Variants in VAPB observed in about 807,000 individuals in gnomAD.
VAPB encodes VAMP associated protein B and C.
Under a neutral mutation model 25.6 loss-of-function variants are expected in VAPB, and 7 were observed. The ratio of observed to expected loss-of-function variants is 0.27; its 90% CI spans 0.16 to 0.51. The LOEUF (loss-of-function observed/expected upper bound fraction) is 0.51, where lower values mean the gene tolerates loss of function less well. Ranked by LOEUF, VAPB falls within the 20% of genes least tolerant of loss-of-function variation. VAPB has a pLI of 0.97. For synonymous variants in VAPB, 112 were observed against 109.2 expected (o/e 1.03, Z -0.16); for missense variants, 266 against 301.3 (o/e 0.88, Z 0.87).
Position 58,440,919 on chromosome 20 carries a change from A to G in VAPB, c.409A>G (p.Ile137Val). The part of the protein sequence containing the change: ...AENDKPHDVE[I>V]NKIISTTASK... ...TGTTTTTGAACAGCATGATGTAGAA[A>G]TAAATAAAATTATATCCACAACTGC... is the stretch of plus-strand genomic sequence containing the variant. Residue 137 changes from isoleucine to valine, a missense_variant, in exon 5 of 6, where the codon ATA becomes GTA. Ile to Val is a conservative substitution (Grantham distance 29). Around this residue, in one of 3 missense-constraint regions of VAPB, gnomAD observed 136 missense variants for 130.7 expected, o/e 1.04. Coordinates refer to ENST00000475243, the MANE Select transcript of VAPB (RefSeq NM_004738.5). 1.2e-6 allele frequency: 2 copies of G among 1,613,670 alleles called. No individual in the cohort carries two copies. Among genetic ancestry groups the G allele is most frequent in the Non-Finnish European group, 1.7e-6 (2 of 1,179,780 alleles).
rs1226048995 is a variant in VAPB, at chr20:58,450,364, T to C, written c.*6129T>C. The C allele has an allele frequency of 2.2e-6, 1 of 454,120 alleles. No individual in the cohort carries two copies. Among genetic ancestry groups the C allele is most frequent in the South Asian group, 1.6e-5 (1 of 64,472 alleles). 28.1% of individuals were successfully genotyped at this position (454,120 alleles called of 1,614,324 possible). A position where few individuals can be genotyped will look rare whatever the true frequency, so the allele number is the denominator to read the frequency against. ...TCGTAAGTACCCTCTGTCTGTTTGC[T>C]ACTATATGAGGTGCTGCGAAATTAG... On this transcript the variant is annotated 3_prime_UTR_variant, in exon 6 of 6. Coordinates refer to ENST00000475243, the MANE Select transcript of VAPB (RefSeq NM_004738.5).
rs1156258570 is a variant in VAPB, at chr20:58,447,056, G to T, written c.*2821G>T. The T allele has an allele frequency of 8.8e-6, 4 of 453,956 alleles. No homozygotes were observed. The highest frequency in any genetic ancestry group is 1.8e-5 in the Non-Finnish European group (4 of 226,770). 28.1% of individuals were successfully genotyped at this position (453,956 alleles called of 1,614,324 possible). ...GAGGATGCCGCTGGGCAGTGTGCAT[G>T]GGGGAGCTGCTGCCAGGCTGCCCTC... On this transcript the variant is annotated 3_prime_UTR_variant, in exon 6 of 6. Coordinates refer to ENST00000475243, the MANE Select transcript of VAPB (RefSeq NM_004738.5).
In VAPB at chr20:58,447,206, T is replaced by TGG. The variant is rs557150522; in HGVS notation, c.*2971_*2972insGG. ...AAGCGGTGACAGAATCCTGAAAGTT[T>TGG]TTATTGATTGAAGTTTTAAATTGGT... On this transcript the variant is annotated 3_prime_UTR_variant, in exon 6 of 6. Coordinates refer to ENST00000475243, the MANE Select transcript of VAPB (RefSeq NM_004738.5). 3.0e-3 allele frequency: 1,344 copies of TGG among 454,098 alleles called. 17 individuals carry two copies. Among genetic ancestry groups the TGG allele is most frequent in the African/African-American group, 0.024 (1,222 of 50,106 alleles). The allele number at this position is 454,098 out of a possible 1,614,324, so 28.1% of individuals were successfully genotyped here. A position where few individuals can be genotyped will look rare whatever the true frequency, so the allele number is the denominator to read the frequency against.
At chr20:58,391,812 C>T (rs1173201029) in intron 1 of VAPB, among the ~76,000 whole-genome samples, 1 of 152,198 alleles carries the variant, frequency 6.6e-6, no homozygotes, top group African/African-American at 2.4e-5. Context: ...GGATTACAGG[C>T]GTGAGCCCGG....
intron 1 of VAPB, among the ~76,000 whole-genome samples, chr20:58,391,161 C>G (rs950976126): frequency 6.6e-6 from 1 of 152,138 alleles, no homozygotes; most frequent in Non-Finnish European, 1.5e-5. Context: ...CTTGGCTTCT[C>G]CTGATAATTG....
At chr20:58,427,541 T>C (rs1023649894) in intron 2 of VAPB, among the ~76,000 whole-genome samples, 17 of 151,320 alleles carry the variant, frequency 1.1e-4, no homozygotes, top group African/African-American at 4.2e-4. Flanking sequence ...AGCATTATGA[T>C]GCAGGCAAAA....
chr20:58,437,745 T>G (rs1480168863), intron 3 of VAPB, among the ~76,000 whole-genome samples: 1 of 152,228 alleles, frequency 6.6e-6, no homozygotes, highest in Non-Finnish European at 1.5e-5. Context: ...ATTTTCTCCA[T>G]CTAACTGAGT....
rs1288236374 is a variant in VAPB at position 58,446,734 on chromosome 20, A to G, written c.*2499A>G. The G allele has an allele frequency of 2.2e-6, 1 of 453,990 alleles. No homozygotes were observed. Among genetic ancestry groups the G allele is most frequent in the East Asian group, 6.9e-5 (1 of 14,400 alleles). The allele number at this position is 453,990 out of a possible 1,614,324, so 28.1% of individuals were successfully genotyped here. On this transcript the variant is annotated 3_prime_UTR_variant, in exon 6 of 6. Coordinates refer to ENST00000475243, the MANE Select transcript of VAPB (RefSeq NM_004738.5). ...TTTGTGGGCCTTTTGACTGAGTGGC[A>G]GAAGGAAACTGCTCAGGAAGAGAAA...
At chr20:58,389,652 G>C (rs1202287096) in intron 1 of VAPB, 135 bp downstream of exon 1, 1 of 966,796 alleles carries the variant, frequency 1.0e-6, no homozygotes, top group Non-Finnish European at 1.4e-6. Flanking sequence ...GCGAGGCCGG[G>C]CCGGGCCTTG....
chr20:58,411,866 A>T lies in VAPB; in HGVS notation c.59-6345A>T, dbSNP rs534058078. On this transcript the variant is annotated intron_variant, in intron 1 of 5. Coordinates refer to ENST00000475243, the MANE Select transcript of VAPB (RefSeq NM_004738.5). ...GCTAATTTTTTTGTATTTTTAGTAG[A>T]GACGGGGTTTCACCGTGTTAGCCAG... is the stretch of plus-strand genomic sequence containing the variant. Among the ~76,000 whole-genome samples the T allele has an allele frequency of 9.5e-4, 145 of 152,052 alleles. 1 individual carries two copies. Among genetic ancestry groups the T allele is most frequent in the Non-Finnish European group, 7.4e-5 (5 of 67,986 alleles).
At chr20:58,435,286 GAA>G (rs974361887) in intron 3 of VAPB, among the ~76,000 whole-genome samples, 3 of 141,614 alleles carry the variant, frequency 2.1e-5, no homozygotes, top group Admixed American at 1.4e-4. Context: ...GATGGTTTTG[GAA>G]AAAAAAAAAA....
chr20:58,422,827 T>C (rs1988696552), intron 2 of VAPB, among the ~76,000 whole-genome samples: 1 of 152,204 alleles, frequency 6.6e-6, no homozygotes, highest in Non-Finnish European at 1.5e-5. Flanking sequence ...GCAGTTCAGT[T>C]ATGCACATTG....
chr20:58,411,853 G>C (rs1320048655), intron 1 of VAPB, among the ~76,000 whole-genome samples: 1 of 151,856 alleles, frequency 6.6e-6, no homozygotes, highest in Non-Finnish European at 1.5e-5. Flanking sequence ...TAATTTTTTT[G>C]TATTTTTAGT....
Position 58,393,795 on chromosome 20 carries a change from C to A in VAPB, c.58+4278C>A, listed in dbSNP as rs777829023. On this transcript the variant is annotated intron_variant, in intron 1 of 5. Transcript: ENST00000475243. ...TTGCTCAGGCTGGAGTGCAATGGCGCGATCTTGGCTCACCGCAACCTCCGC... is the reference window on the plus strand; with the variant it reads ...TTGCTCAGGCTGGAGTGCAATGGCGAGATCTTGGCTCACCGCAACCTCCGC... Among the ~76,000 whole-genome samples the A allele has an allele frequency of 2.6e-5, 4 of 152,044 alleles. No individual in the cohort carries two copies. The South Asian group carries it at 8.3e-4, about 31-fold the overall frequency.
At chr20:58,414,214 G>A (rs1365286811) in intron 1 of VAPB, among the ~76,000 whole-genome samples, 6 of 139,948 alleles carry the variant, frequency 4.3e-5, no homozygotes, top group Non-Finnish European at 7.9e-5. Flanking sequence ...GCGGCTGGCC[G>A]GGCGGGGGGC....
chr20:58,413,742 C>G (rs1988442620), intron 1 of VAPB, among the ~76,000 whole-genome samples: 1 of 151,350 alleles, frequency 6.6e-6, no homozygotes, highest in African/African-American at 2.4e-5. Flanking sequence ...GCGCCCGTCA[C>G]CTCCCGGGTG....
intron 2 of VAPB, among the ~76,000 whole-genome samples, chr20:58,423,450 GAAAA>G (rs1988718709): frequency 1.4e-5 from 1 of 73,882 alleles, no homozygotes; most frequent in Admixed American, 1.6e-4. Flanking sequence ...AAAAAAAAAA[GAAAA>G]GAAAAATCCT....
chr20:58,411,504 A>G lies in VAPB; in HGVS notation c.59-6707A>G, dbSNP rs530122552. 1.2e-3 allele frequency among the ~76,000 whole-genome samples: 176 copies of G among 152,088 alleles called. 1 individual carries two copies. Among genetic ancestry groups the G allele is most frequent in the Non-Finnish European group, 2.2e-3 (147 of 68,006 alleles). On this transcript the variant is annotated intron_variant, in intron 1 of 5. Transcript: ENST00000475243. Reference sequence around the variant, plus strand: ...ACCATGTTGGCCAAGCTGGTCTCGAATTCCTGACCTCAGCTGATCCACCCG... The same window carrying G: ...ACCATGTTGGCCAAGCTGGTCTCGAGTTCCTGACCTCAGCTGATCCACCCG...
rs1261974105 is a variant in VAPB at position 58,445,485 on chromosome 20, A to ATGTTTG, written c.*1250_*1251insTGTTTG. On this transcript the variant is annotated 3_prime_UTR_variant, in exon 6 of 6. Coordinates refer to ENST00000475243, the MANE Select transcript of VAPB (RefSeq NM_004738.5). Reference sequence around the variant, plus strand: ...AATTAATTTTATGCCATAAAAGACCAACCCAGTTCTGTTTGACTATGTAGC... The same window carrying ATGTTTG: ...AATTAATTTTATGCCATAAAAGACCATGTTTGACCCAGTTCTGTTTGACTATGTAGC... The ATGTTTG allele has an allele frequency of 2.2e-6, 1 of 454,380 alleles. No homozygotes were observed. The highest frequency in any genetic ancestry group is 4.4e-6 in the Non-Finnish European group (1 of 226,774). 28.1% of individuals were successfully genotyped at this position (454,380 alleles called of 1,614,324 possible).
Sources: gnomAD v4.1 joint callset for allele counts (sites outside exome capture counted in the v4.1 genomes callset) on GRCh38, gnomAD v4.1.1 for gene constraint, gnomAD v4.1.1 regional missense constraint, MANE v1.5 for transcripts, NCBI Gene and HGNC (gene_info 2026-07-23, HGNC 2026-07-21) for gene names.